Variants in NBAS observed in about 807,000 individuals in gnomAD.
NBAS encodes NAG/BC035112 fusion.
A neutral mutation model predicts 302.5 loss-of-function variants in NBAS; 219 were observed. That is an observed-to-expected ratio of 0.72 (90% CI 0.65 to 0.81). The LOEUF is 0.81. Among genes scored for constraint, NBAS ranks in the 30% least tolerant of loss-of-function variants. The pLI, the probability that NBAS is intolerant of heterozygous loss-of-function variation, is 0.00. For synonymous variants in NBAS, 1,118 were observed against 1,021.6 expected, an observed-to-expected ratio of 1.09 and a Z score of -1.80; for missense variants, 2,932 against 2,841.6, an observed-to-expected ratio of 1.03 and a Z score of -0.72.
intron 44 of NBAS, among the ~76,000 whole-genome samples, chr2:15,242,741 G>T (rs1394270914): frequency 6.6e-6 from 1 of 151,744 alleles, no homozygotes; most frequent in Non-Finnish European, 1.5e-5. Flanking sequence ...TGTCATTCAT[G>T]TATATCATTA....
the NBAS span, among the ~76,000 whole-genome samples, chr2:14,854,212 A>C: frequency 2.0e-5 from 3 of 151,970 alleles, no homozygotes; most frequent in African/African-American, 7.2e-5. Flanking sequence ...AGCTATAAAT[A>C]CCTACCTTGA....
the NBAS span, among the ~76,000 whole-genome samples, chr2:15,007,453 T>A: frequency 6.6e-6 from 1 of 152,272 alleles, no homozygotes; most frequent in African/African-American, 2.4e-5. Flanking sequence ...TCTTGATTTT[T>A]AAACTTATGC....
chr2:15,404,172 C>A (rs1287982682), intron 25 of NBAS, among the ~76,000 whole-genome samples: 2 of 151,944 alleles, frequency 1.3e-5, no homozygotes, highest in East Asian at 3.9e-4. Context: ...AAACAAATAC[C>A]CTAAGAGGTC....
chr2:14,869,046 A>C, the NBAS span, among the ~76,000 whole-genome samples: 1 of 152,286 alleles, frequency 6.6e-6, no homozygotes, highest in Middle Eastern at 3.4e-3. Context: ...CTCACAGCTA[A>C]AGAAATAGAA....
intron 48 of NBAS, among the ~76,000 whole-genome samples, chr2:15,217,052 T>C (rs754578816): frequency 5.9e-5 from 9 of 152,226 alleles, no homozygotes; most frequent in Non-Finnish European, 1.3e-4. Context: ...AACCTTCATG[T>C]TTGCTGAAAA....
the NBAS span, among the ~76,000 whole-genome samples, chr2:14,908,219 C>A: frequency 1.3e-5 from 2 of 152,082 alleles, no homozygotes; most frequent in Non-Finnish European, 2.9e-5. Context: ...CAAAATTAGC[C>A]GGGTGTGGTG....
the NBAS span, among the ~76,000 whole-genome samples, chr2:14,944,573 G>C: frequency 6.6e-6 from 1 of 152,134 alleles, no homozygotes; most frequent in Admixed American, 6.5e-5. Context: ...AGAACAGTGA[G>C]ATTTCTGGTT....
chr2:15,212,394 G>T (rs1276993005), intron 48 of NBAS, among the ~76,000 whole-genome samples: 4 of 152,188 alleles, frequency 2.6e-5, no homozygotes, highest in African/African-American at 4.8e-5. Flanking sequence ...GATCTGATCT[G>T]CTTCCTTCCA....
At chr2:15,049,750 A>G in the NBAS span, among the ~76,000 whole-genome samples, 1 of 152,200 alleles carries the variant, frequency 6.6e-6, no homozygotes, top group African/African-American at 2.4e-5. Context: ...GTGTCCCAGC[A>G]TGGGGACCAC....
the NBAS span, among the ~76,000 whole-genome samples, chr2:14,857,830 A>G: frequency 6.6e-6 from 1 of 152,186 alleles, no homozygotes; most frequent in African/African-American, 2.4e-5. Context: ...ATTGGATCAC[A>G]TCAAGTTAAA....
the NBAS span, among the ~76,000 whole-genome samples, chr2:14,837,487 G>C: frequency 2.0e-5 from 3 of 151,414 alleles, no homozygotes; most frequent in Non-Finnish European, 3.0e-5. Context: ...AGAGAATTTT[G>C]TGGAAGATTC....
the NBAS span, among the ~76,000 whole-genome samples, chr2:14,907,997 A>G: frequency 6.6e-6 from 1 of 152,234 alleles, no homozygotes; most frequent in Non-Finnish European, 1.5e-5. Flanking sequence ...ATCACCTGGA[A>G]ACTCATTAGA....
chr2:15,538,505 A>G (rs1322389983), intron 7 of NBAS: 3 of 252,672 alleles, frequency 1.2e-5, no homozygotes, highest in Non-Finnish European at 2.5e-5. Flanking sequence ...CTCTGTGAGT[A>G]GCGCCTGGGC....
chr2:14,985,876 G>C, the NBAS span, among the ~76,000 whole-genome samples: 1 of 152,164 alleles, frequency 6.6e-6, no homozygotes. Flanking sequence ...AAATTAGGGT[G>C]TTTACATGTC....
chr2:15,293,673 T>TG (rs1222808000), intron 40 of NBAS, among the ~76,000 whole-genome samples: 1 of 152,142 alleles, frequency 6.6e-6, no homozygotes, highest in Non-Finnish European at 1.5e-5. Context: ...AATCTACCTT[T>TG]GGTTCTCAGA....
At chr2:14,818,910 G>A in the NBAS span, among the ~76,000 whole-genome samples, 4 of 152,118 alleles carry the variant, frequency 2.6e-5, no homozygotes, top group African/African-American at 9.7e-5. Context: ...CTTTCTACCT[G>A]GAAAACCCTT....
At chr2:15,511,793 A>G (rs1250325806) in intron 9 of NBAS, among the ~76,000 whole-genome samples, 2 of 152,242 alleles carry the variant, frequency 1.3e-5, no homozygotes, top group African/African-American at 4.8e-5. Flanking sequence ...AAAGAACCAC[A>G]GAGCAATAAT....
At chr2:14,897,757 GA>G in the NBAS span, among the ~76,000 whole-genome samples, 3 of 152,142 alleles carry the variant, frequency 2.0e-5, no homozygotes, top group Non-Finnish European at 4.4e-5. Context: ...TCTGGCCTCA[GA>G]AGGGATCTTT....
At chr2:15,519,235 T>C (rs1244879638) in intron 9 of NBAS, among the ~76,000 whole-genome samples, 1 of 152,206 alleles carries the variant, frequency 6.6e-6, no homozygotes, top group African/African-American at 2.4e-5. Flanking sequence ...AAACTACTTC[T>C]AACTTTTTGG....
Sources: gnomAD v4.1 joint callset for allele counts (sites outside exome capture counted in the v4.1 genomes callset) on GRCh38, gnomAD v4.1.1 for gene constraint, MANE v1.5 for transcripts, NCBI Gene and HGNC (gene_info 2026-07-23, HGNC 2026-07-21) for gene names.